TGS1: variants seen among roughly 807,000 people sequenced by gnomAD.
TGS1 encodes the protein trimethylguanosine synthase 1, also known as trimethylguanosine synthase.
A neutral mutation model predicts 92.2 loss-of-function variants in TGS1; 69 were observed. That is an observed-to-expected ratio of 0.75 (90% CI 0.62 to 0.91). TGS1 has a LOEUF of 0.91. Among genes scored for constraint, TGS1 ranks in the 40% least tolerant of loss-of-function variants. The pLI, the probability that TGS1 is intolerant of heterozygous loss-of-function variation, is 0.00. For missense variants in TGS1, 1,062 were observed against 1,001.2 expected (o/e 1.06, Z -0.82); for synonymous variants, 345 against 338.1 (o/e 1.02, Z -0.22).
chr8:55,796,353 G>A (rs183220992), intron 7 of TGS1, among the ~76,000 whole-genome samples: 2 of 152,136 alleles, frequency 1.3e-5, no homozygotes, highest in East Asian at 3.9e-4. Flanking sequence ...GGGTGAAAAG[G>A]AAGTGTTTGA....
intron 12 of TGS1, among the ~76,000 whole-genome samples, chr8:55,820,930 C>T (rs1803619151): frequency 6.6e-6 from 1 of 152,142 alleles, no homozygotes; most frequent in South Asian, 2.1e-4. Context: ...GTCAGCTAAA[C>T]CTTCTAGTGA....
intron 12 of TGS1, among the ~76,000 whole-genome samples, chr8:55,818,376 T>C (rs1432677158): frequency 6.6e-6 from 1 of 152,144 alleles, no homozygotes; most frequent in Non-Finnish European, 1.5e-5. Flanking sequence ...TTTCACCATG[T>C]TGGCCAGCTA....
At chr8:55,775,067 TAAC>T (rs952558780) in intron 1 of TGS1, among the ~76,000 whole-genome samples, 3 of 152,030 alleles carry the variant, frequency 2.0e-5, no homozygotes, top group African/African-American at 4.8e-5. Flanking sequence ...CTGGGCAACA[TAAC>T]AACACCTCAT....
intron 10 of TGS1, among the ~76,000 whole-genome samples, chr8:55,806,550 G>A (rs955536172): frequency 1.3e-5 from 2 of 151,922 alleles, no homozygotes; most frequent in African/African-American, 4.8e-5. Flanking sequence ...TTATAGGTGA[G>A]GCTTCAGGTC....
chr8:55,792,131 T>C (rs1220548106), intron 5 of TGS1, among the ~76,000 whole-genome samples: 1 of 152,248 alleles, frequency 6.6e-6, no homozygotes, highest in Non-Finnish European at 1.5e-5. Context: ...GGACAAACTT[T>C]GTAAGAATTA....
Position 55,779,479 on chromosome 8 carries a change from C to G in TGS1, c.102-3269C>G, listed in dbSNP as rs181530930. On this transcript the variant is annotated intron_variant, in intron 1 of 12. Coordinates refer to ENST00000260129, the MANE Select transcript of TGS1 (RefSeq NM_024831.8). ...CTGGGCCCATCCTCCAGAAGGCTTACAGGCTAGCACTGTGGTGGGACCAAA... is the reference window on the plus strand; with the variant it reads ...CTGGGCCCATCCTCCAGAAGGCTTAGAGGCTAGCACTGTGGTGGGACCAAA... 4.6e-5 allele frequency among the ~76,000 whole-genome samples: 7 copies of G among 152,294 alleles called. No homozygotes were observed. In the East Asian group the frequency reaches 1.4e-3, roughly 29 times the overall value.
At position 55,790,276 on chromosome 8, in the gene TGS1, TAAGCC is replaced by T; in HGVS notation, c.1262_1266del (p.Pro421GlnfsTer7). On this transcript the variant is annotated frameshift_variant, in exon 5 of 13. Transcript: ENST00000260129. LOFTEE classifies it high-confidence loss of function. ...AAAGTGAGGAAGACCCACCTGAGCA[TAAGCC>T]AAGCAAACTGAAGAGGAGGTAAGTT... The T allele has an allele frequency of 6.2e-7, 1 of 1,613,838 alleles. No homozygotes were observed. Among genetic ancestry groups the T allele is most frequent in the East Asian group, 2.2e-5 (1 of 44,872 alleles).
chr8:55,782,497 C>T (rs866859022), intron 1 of TGS1, among the ~76,000 whole-genome samples: 6 of 152,138 alleles, frequency 3.9e-5, no homozygotes, highest in Admixed American at 2.0e-4. Context: ...TAGTAACTAG[C>T]AGTTATAGTA....
intron 12 of TGS1, 37 bp from the exon 13 acceptor site, chr8:55,824,544 A>G: frequency 6.2e-7 from 1 of 1,612,648 alleles, no homozygotes; most frequent in Non-Finnish European, 8.5e-7. Context: ...AATTATGCTT[A>G]GGTGTGTGTG....
In TGS1 at chr8:55,825,454, A is replaced by G. The variant is rs1585802629; in HGVS notation, c.*751A>G. The stretch of plus-strand genomic sequence containing the variant: ...AAATGGCAATGAAAGCAAGAGGGAT[A>G]TGTGTTGCTTAATTATTCATCTAAA... On this transcript the variant is annotated 3_prime_UTR_variant, in exon 13 of 13. Coordinates refer to ENST00000260129, the MANE Select transcript of TGS1 (RefSeq NM_024831.8). 6.6e-6 allele frequency: 1 copy of G among 152,342 alleles called. No individual in the cohort carries two copies. The highest frequency in any genetic ancestry group is 1.9e-4 in the East Asian group (1 of 5,196). 9.4% of individuals were successfully genotyped at this position (152,342 alleles called of 1,614,324 possible). A position where few individuals can be genotyped will look rare whatever the true frequency, so the allele number is the denominator to read the frequency against.
intron 4 of TGS1, among the ~76,000 whole-genome samples, chr8:55,788,391 T>A (rs963934024): frequency 2.6e-5 from 4 of 152,104 alleles, no homozygotes; most frequent in African/African-American, 7.2e-5. Flanking sequence ...TAGATTCTTA[T>A]AAGTGGAGCC....
chr8:55,795,921 T>A, intron 6 of TGS1, 57 bp from the exon 7 acceptor site: 1 of 1,307,936 alleles, frequency 7.6e-7, no homozygotes. Context: ...TCTTTTCCTA[T>A]AAGGAAATAT....
At chr8:55,804,832 T>C (rs1812319437) in intron 9 of TGS1, 61 bp from the exon 10 acceptor site, 5 of 1,493,168 alleles carry the variant, frequency 3.3e-6, no homozygotes, top group Non-Finnish European at 4.6e-6. Context: ...GTTTGCTATG[T>C]TTATGCTTGC....
At position 55,812,631 on chromosome 8, in the gene TGS1, T is replaced by G. The variant is rs187043797; in HGVS notation, c.2361-409T>G. ...GAACCCAGGAGGAGGTTGCAGTGAA[T>G]TGAGATTACGCTACTGCACTCCAGC... On this transcript the variant is annotated intron_variant, in intron 11 of 12. Transcript: ENST00000260129. Among the ~76,000 whole-genome samples the G allele has an allele frequency of 1.5e-3, 234 of 151,702 alleles. 1 individual carries two copies. The highest frequency in any genetic ancestry group is 5.5e-3 in the African/African-American group (226 of 41,310).
intron 1 of TGS1, among the ~76,000 whole-genome samples, chr8:55,779,913 C>T (rs1195930348): frequency 2.7e-5 from 4 of 148,104 alleles, no homozygotes; most frequent in East Asian, 2.0e-4. Flanking sequence ...CTTGCTCTGT[C>T]GCCCAGGCTG....
Position 55,810,909 on chromosome 8 carries a change from G to A in TGS1, c.2172G>A (p.Lys724=). Residue 724 remains lysine, a synonymous_variant, in exon 11 of 13, where the codon AAG becomes AAA. Coordinates refer to ENST00000260129, the MANE Select transcript of TGS1 (RefSeq NM_024831.8). ...RVIAIDIDPV[K]IALARNNAEV... is the part of the protein sequence containing the mutation. ...TTGCCATTGATATCGATCCTGTTAA[G>A]ATTGCCCTTGCTCGCAATAATGCAG... The A allele has an allele frequency of 6.2e-7, 1 of 1,614,106 alleles. No individual in the cohort carries two copies. The highest frequency in any genetic ancestry group is 8.5e-7 in the Non-Finnish European group (1 of 1,180,016).
In TGS1 at chr8:55,826,253, C is replaced by T. The variant is rs191311173; in HGVS notation, c.*1550C>T. On this transcript the variant is annotated 3_prime_UTR_variant, in exon 13 of 13. Coordinates refer to ENST00000260129, the MANE Select transcript of TGS1 (RefSeq NM_024831.8). ...GTTTTTTGTCACTTAACCTTTCTTG[C>T]ATATACTTCTTTCCACAGCTCATTT... Among the ~76,000 whole-genome samples the T allele has an allele frequency of 6.6e-6, 1 of 152,236 alleles. No homozygotes were observed. Among genetic ancestry groups the T allele is most frequent in the African/African-American group, 2.4e-5 (1 of 41,546 alleles).
At chr8:55,817,116 G>GCCTC in intron 12 of TGS1, among the ~76,000 whole-genome samples, 1 of 152,146 alleles carries the variant, frequency 6.6e-6, no homozygotes, top group Non-Finnish European at 1.5e-5. Flanking sequence ...GCCCGCCTTG[G>GCCTC]CCTCCCAAAG....
chr8:55,812,909 C>T, intron 11 of TGS1, 131 bp from the exon 12 acceptor site: 2 of 666,656 alleles, frequency 3.0e-6, no homozygotes, highest in South Asian at 1.7e-5. Flanking sequence ...TTTTAGGTTC[C>T]ATTAGAGGGT....
Sources: allele counts gnomAD v4.1 joint callset (sites outside exome capture counted in the v4.1 genomes callset), GRCh38; gene constraint gnomAD v4.1.1; transcripts MANE v1.5; gene names NCBI Gene and HGNC (gene_info 2026-07-23, HGNC 2026-07-21).